The following ZNF441 variants were observed in gnomAD, a reference collection of about 807,000 sequenced individuals.
The protein encoded by ZNF441 is zinc finger protein 441.
Under a neutral mutation model 64.5 loss-of-function variants are expected in ZNF441, and 25 were observed. That is an observed-to-expected ratio of 0.39 (90% CI 0.28 to 0.54). The LOEUF (loss-of-function observed/expected upper bound fraction) is 0.54. Ranked by LOEUF, ZNF441 falls within the 20% of genes least tolerant of loss-of-function variation. The pLI, the probability that ZNF441 is intolerant of heterozygous loss-of-function variation, is 0.70. For missense variants in ZNF441, 715 were observed against 843.3 expected (o/e 0.85, Z 1.88); for synonymous variants, 262 against 268.0 (o/e 0.98, Z 0.22).
At chr19:11,779,821 G>T (rs1975383804) in intron 3 of ZNF441, among the ~76,000 whole-genome samples, 198 bp from the exon 4 acceptor site, 1 of 150,450 alleles carries the variant, frequency 6.6e-6, no homozygotes, top group Non-Finnish European at 1.5e-5. Context: ...TGGGGTGGGA[G>T]GATGGTTTGA....
At position 11,767,016 on chromosome 19, in the gene ZNF441, G is replaced by A; in HGVS notation, c.-178G>A. 1 of 878,452 alleles carries A rather than the reference G, an allele frequency of 1.1e-6. No individual in the cohort carries two copies. Among genetic ancestry groups the A allele is most frequent in the Non-Finnish European group, 1.7e-6 (1 of 571,886 alleles). 54.4% of individuals were successfully genotyped at this position (878,452 alleles called of 1,614,324 possible). ...GTGAGAACTGTCAATCAGGCGCACT[G>A]ACCGGAGGAGGGTGCAAGGTTCAAA... is the stretch of plus-strand genomic sequence containing the variant. On this transcript the variant is annotated 5_prime_UTR_variant, in exon 1 of 4. Coordinates refer to ENST00000357901, the MANE Select transcript of ZNF441 (RefSeq NM_152355.3). The surrounding 1 kb of genome is among the most constrained non-coding windows in gnomAD (Gnocchi z 5.1).
chr19:11,777,626 G>C lies in ZNF441; in HGVS notation c.19G>C (p.Glu7Gln). 1 of 1,613,182 alleles carries C rather than the reference G, an allele frequency of 6.2e-7. No individual in the cohort carries two copies. The change falls in exon 2 of 4, where the codon GAG becomes CAG. Residue 7 changes from glutamate to glutamine, a missense_variant. Transcript: ENST00000357901. ...AATATTTCAGGACTCAGTGGCATTT[G>C]AGGATGTGGCTATAAACTTCACCTG... MDSVAF[E>Q]DVAINFTCEE...
Position 11,777,628 on chromosome 19 carries a change from G to A in ZNF441, c.21G>A (p.Glu7=), listed in dbSNP as rs766303543. 4.3e-6 allele frequency: 7 copies of A among 1,613,112 alleles called. No homozygotes were observed. In the African/African-American group the frequency reaches 6.7e-5, roughly 15 times the overall value. Residue 7 remains glutamate, a synonymous_variant, in exon 2 of 4, where the codon GAG becomes GAA. Coordinates refer to ENST00000357901, the MANE Select transcript of ZNF441 (RefSeq NM_152355.3). MDSVAF[E]DVAINFTCEE... is the part of the protein sequence containing the mutation. ...TATTTCAGGACTCAGTGGCATTTGAGGATGTGGCTATAAACTTCACCTGTG... is the reference window on the plus strand; with the variant it reads ...TATTTCAGGACTCAGTGGCATTTGAAGATGTGGCTATAAACTTCACCTGTG...
At position 11,767,035 on chromosome 19, in the gene ZNF441, G is replaced by A. The variant is rs976549533; in HGVS notation, c.-159G>A. The A allele has an allele frequency of 3.6e-6, 4 of 1,112,242 alleles. No individual in the cohort carries two copies. Among genetic ancestry groups the A allele is most frequent in the Non-Finnish European group, 1.3e-6 (1 of 771,824 alleles). 68.9% of individuals were successfully genotyped at this position (1,112,242 alleles called of 1,614,324 possible). A position where few individuals can be genotyped will look rare whatever the true frequency, so the allele number is the denominator to read the frequency against. ...CGCACTGACCGGAGGAGGGTGCAAG[G>A]TTCAAAGAGCCCGCCGAGTCTTCTC... On this transcript the variant is annotated 5_prime_UTR_variant, in exon 1 of 4. Transcript: ENST00000357901. The surrounding 1 kb of genome is among the most constrained non-coding windows in gnomAD (Gnocchi z 5.1).
rs768932148 is a variant in ZNF441 at position 11,783,630 on chromosome 19, A to G, written c.*1724A>G. On this transcript the variant is annotated 3_prime_UTR_variant, in exon 4 of 4. Coordinates refer to ENST00000357901, the MANE Select transcript of ZNF441 (RefSeq NM_152355.3). ...ATGTTATTGCTAACAACATGGATGG[A>G]ACTTGAGGTCATTATGGTAAGTGAA... 6.6e-6 allele frequency: 1 copy of G among 152,232 alleles called. No homozygotes were observed. Among genetic ancestry groups the G allele is most frequent in the Non-Finnish European group, 1.5e-5 (1 of 68,038 alleles). The allele number at this position is 152,232 out of a possible 1,614,324, so 9.4% of individuals were successfully genotyped here. A position where few individuals can be genotyped will look rare whatever the true frequency, so the allele number is the denominator to read the frequency against.
intron 1 of ZNF441, among the ~76,000 whole-genome samples, chr19:11,771,840 C>T (rs974530871): frequency 3.3e-5 from 5 of 152,128 alleles, no homozygotes; most frequent in Admixed American, 2.0e-4. Context: ...TCCTTTTCCC[C>T]GGGGGAGTTT....
rs773675731 is a variant in ZNF441, at chr19:11,780,642, C to T, written c.818C>T (p.Thr273Ile). 7.4e-6 allele frequency: 12 copies of T among 1,614,146 alleles called. No individual in the cohort carries two copies. Among genetic ancestry groups the T allele is most frequent in the Non-Finnish European group, 1.0e-5 (12 of 1,180,022 alleles). ...TGTTACACTCAACTATATGAAAGGA[C>T]TCACACTGGAGAACAATCCTATGAA... ...CSCYTQLYER[T>I]HTGEQSYECK... The change falls in exon 4 of 4, where the codon ACT (threonine) becomes ATT (isoleucine). Residue 273 changes from threonine (T) to isoleucine (I), a missense_variant. Around this residue, in one of 2 missense-constraint regions of ZNF441, gnomAD observed 399 missense variants for 413.9 expected, o/e 0.96. Coordinates refer to ENST00000357901, the MANE Select transcript of ZNF441 (RefSeq NM_152355.3).
chr19:11,781,998 G>A lies in ZNF441; in HGVS notation c.*92G>A. The A allele has an allele frequency of 9.2e-7, 1 of 1,088,670 alleles. No individual in the cohort carries two copies. The highest frequency in any genetic ancestry group is 1.2e-6 in the Non-Finnish European group (1 of 801,742). The allele number at this position is 1,088,670 out of a possible 1,614,324, so 67.4% of individuals were successfully genotyped here. A position where few individuals can be genotyped will look rare whatever the true frequency, so the allele number is the denominator to read the frequency against. ...TAAGAGACTCACACTGAAAAAAGTT[G>A]TATGAATATAAAAATGTACTAAAAC... On this transcript the variant is annotated 3_prime_UTR_variant, in exon 4 of 4. Coordinates refer to ENST00000357901, the MANE Select transcript of ZNF441 (RefSeq NM_152355.3).
In ZNF441 at chr19:11,783,220, A is replaced by G. The variant is rs1292963558; in HGVS notation, c.*1314A>G. ...TTCAACATCACTAATGATTAGGAAA[A>G]TGCAAATTGAAACCACAATGAGATA... On this transcript the variant is annotated 3_prime_UTR_variant, in exon 4 of 4. Coordinates refer to ENST00000357901, the MANE Select transcript of ZNF441 (RefSeq NM_152355.3). 6.6e-6 allele frequency: 1 copy of G among 152,220 alleles called. No individual in the cohort carries two copies. Among genetic ancestry groups the G allele is most frequent in the East Asian group, 1.9e-4 (1 of 5,200 alleles). 9.4% of individuals were successfully genotyped at this position (152,220 alleles called of 1,614,324 possible). A position where few individuals can be genotyped will look rare whatever the true frequency, so the allele number is the denominator to read the frequency against.
At chr19:11,776,426 G>T (rs762371525) in intron 1 of ZNF441, among the ~76,000 whole-genome samples, 1 of 152,078 alleles carries the variant, frequency 6.6e-6, no homozygotes, top group Non-Finnish European at 1.5e-5. Context: ...TGCTTTCTTG[G>T]TTAGAAGGAT....
In ZNF441 at chr19:11,780,531, A is replaced by G; in HGVS notation, c.707A>G (p.Tyr236Cys). Reference sequence around the variant, plus strand: ...CAGTGTTCTACAGCGTTTCCTGCTTATAGTTCCACTCTAAGACATGAAAGA... The same window carrying G: ...CAGTGTTCTACAGCGTTTCCTGCTTGTAGTTCCACTCTAAGACATGAAAGA... ...YEQCSTAFPA[Y>C]SSTLRHERTH... The change falls in exon 4 of 4, where the codon TAT (tyrosine) becomes TGT (cysteine). Residue 236 changes from tyrosine (Y) to cysteine (C), a missense_variant. Transcript: ENST00000357901. The G allele has an allele frequency of 1.2e-6, 2 of 1,614,168 alleles. No individual in the cohort carries two copies. The highest frequency in any genetic ancestry group is 8.5e-7 in the Non-Finnish European group (1 of 1,180,026).
At chr19:11,772,018 G>A (rs1405163959) in intron 1 of ZNF441, among the ~76,000 whole-genome samples, 1 of 152,124 alleles carries the variant, frequency 6.6e-6, no homozygotes, top group African/African-American at 2.4e-5. Context: ...TCTAGATAGC[G>A]GTAGTAAATT....
chr19:11,773,048 C>T (rs1451229054), intron 1 of ZNF441, among the ~76,000 whole-genome samples: 1 of 152,202 alleles, frequency 6.6e-6, no homozygotes. Context: ...GCCTCGGCCT[C>T]CCAAAGTGCT....
At position 11,781,836 on chromosome 19, in the gene ZNF441, A is replaced by T. The variant is rs138221659; in HGVS notation, c.2012A>T (p.Tyr671Phe). 1 of 1,613,102 alleles carries T rather than the reference A, an allele frequency of 6.2e-7. No homozygotes were observed. Among genetic ancestry groups the T allele is most frequent in the Non-Finnish European group, 8.5e-7 (1 of 1,179,456 alleles). ...AGGACCCACAGTATGGAGAAACCCT[A>T]TAAGTGTAAAGAATGTGGGGAAGCA... is the stretch of plus-strand genomic sequence containing the variant. ...HERTHSMEKP[Y>F]KCKECGEAFH... Residue 671 changes from tyrosine to phenylalanine, a missense_variant, in exon 4 of 4, where the codon TAT becomes TTT. Tyr to Phe is a conservative substitution (Grantham distance 22). Around this residue, in one of 2 missense-constraint regions of ZNF441, gnomAD observed 316 missense variants for 429.3 expected, o/e 0.74. Coordinates refer to ENST00000357901, the MANE Select transcript of ZNF441 (RefSeq NM_152355.3).
Position 11,783,055 on chromosome 19 carries a change from G to T in ZNF441, c.*1149G>T, listed in dbSNP as rs1975416414. 1 of 152,036 alleles carries T rather than the reference G, an allele frequency of 6.6e-6. No homozygotes were observed. Among genetic ancestry groups the T allele is most frequent in the African/African-American group, 2.4e-5 (1 of 41,370 alleles). 9.4% of individuals were successfully genotyped at this position (152,036 alleles called of 1,614,324 possible). On this transcript the variant is annotated 3_prime_UTR_variant, in exon 4 of 4. Transcript: ENST00000357901. ...AATATTTGCAAACTATGCGACAAGGGACTAATATCCAAATATACAAGGAAC... is the reference window on the plus strand; with the variant it reads ...AATATTTGCAAACTATGCGACAAGGTACTAATATCCAAATATACAAGGAAC...
In ZNF441 at chr19:11,780,758, A is replaced by T. The variant is rs1438750440; in HGVS notation, c.934A>T (p.Ile312Leu). The change falls in exon 4 of 4, where the codon ATA becomes TTA. Residue 312 changes from isoleucine (I) to leucine (L), a missense_variant. Ile to Leu is a conservative substitution (Grantham distance 5). Coordinates refer to ENST00000357901, the MANE Select transcript of ZNF441 (RefSeq NM_152355.3). ...HTGDGPHKCK[I>L]CGKGFLSPSS... ...TGGAGATGGGCCTCATAAATGTAAG[A>T]TATGTGGAAAAGGCTTTCTTTCTCC... 1 of 1,613,992 alleles carries T rather than the reference A, an allele frequency of 6.2e-7. No homozygotes were observed. The highest frequency in any genetic ancestry group is 1.7e-5 in the Admixed American group (1 of 60,012).
At chr19:11,769,568 A>T (rs1200071993) in intron 1 of ZNF441, among the ~76,000 whole-genome samples, 2 of 152,220 alleles carry the variant, frequency 1.3e-5, no homozygotes, top group Admixed American at 6.5e-5. Flanking sequence ...TAACAAATTT[A>T]CCATAGACTG....
Position 11,780,276 on chromosome 19 carries a change from G to C in ZNF441, c.452G>C (p.Ser151Thr). 6.2e-7 allele frequency: 1 copy of C among 1,614,162 alleles called. No homozygotes were observed. Reference sequence around the variant, plus strand: ...CATACACAATGTGGGACAGCTTTCAGTTATCAGCCCTGCTTTCAAATACAT... The same window carrying C: ...CATACACAATGTGGGACAGCTTTCACTTATCAGCCCTGCTTTCAAATACAT... The part of the protein sequence containing the change: ...YTHTQCGTAF[S>T]YQPCFQIHER... The change falls in exon 4 of 4, where the codon AGT (serine) becomes ACT (threonine). Residue 151 changes from serine to threonine, a missense_variant. This residue lies in a region of ZNF441 where 399 missense variants were observed against 413.9 expected (regional missense o/e 0.96). Transcript: ENST00000357901.
chr19:11,770,543 T>A (rs1417921862), intron 1 of ZNF441, among the ~76,000 whole-genome samples: 1 of 152,182 alleles, frequency 6.6e-6, no homozygotes, highest in Non-Finnish European at 1.5e-5. Context: ...AGTGAAACCA[T>A]GCTGGCCTGT....
Sources: gnomAD v4.1 joint callset for allele counts (sites outside exome capture counted in the v4.1 genomes callset) on GRCh38, gnomAD v4.1.1 for gene constraint, gnomAD v4.1.1 regional missense constraint, Gnocchi (gnomAD v3.1) non-coding constraint, MANE v1.5 for transcripts, NCBI Gene and HGNC (gene_info 2026-07-23, HGNC 2026-07-21) for gene names.